Variants in SMC6 observed in about 807,000 individuals in gnomAD.
The protein encoded by SMC6 is structural maintenance of chromosomes protein 6.
A neutral mutation model predicts 142.2 loss-of-function variants in SMC6; 79 were observed. That is an observed-to-expected ratio of 0.56 (90% CI 0.46 to 0.67). The LOEUF is 0.67. SMC6 is among the 30% of genes least tolerant of loss of function. The pLI is 0.00. For synonymous variants in SMC6, 411 were observed against 412.4 expected (o/e 1.00, Z 0.04); for missense variants, 1,072 against 1,284.0 (o/e 0.83, Z 2.52).
chr2:17,695,406 A>G (rs1667941806), intron 22 of SMC6, 109 bp from the exon 23 acceptor site: 3 of 794,408 alleles, frequency 3.8e-6, no homozygotes, highest in Admixed American at 3.2e-5. Context: ...TTTTTAAGAA[A>G]TGTATTTTAA....
intron 25 of SMC6, among the ~76,000 whole-genome samples, chr2:17,671,580 G>T (rs1160888012): frequency 2.5e-5 from 3 of 120,880 alleles, no homozygotes. Flanking sequence ...TTGCACTCCA[G>T]CCTGGTCGAC....
chr2:17,677,224 G>A (rs1667031762), intron 25 of SMC6, among the ~76,000 whole-genome samples: 1 of 152,040 alleles, frequency 6.6e-6, no homozygotes, highest in African/African-American at 2.4e-5. Context: ...ACTAAAGAGG[G>A]GCCCCCTTTC....
At chr2:17,708,915 T>A (rs1668682828) in intron 16 of SMC6, among the ~76,000 whole-genome samples, 162 bp from the exon 17 acceptor site, 1 of 151,970 alleles carries the variant, frequency 6.6e-6, no homozygotes, top group African/African-American at 2.4e-5. Flanking sequence ...CTGGTAACAT[T>A]TGAAAACATA....
chr2:17,718,738 C>G (rs1253337916), intron 11 of SMC6, among the ~76,000 whole-genome samples: 2 of 152,120 alleles, frequency 1.3e-5, no homozygotes, highest in Non-Finnish European at 2.9e-5. Flanking sequence ...GGTATTAATA[C>G]TTTAGAAATT....
chr2:17,665,215 T>G lies in SMC6; in HGVS notation c.*284A>C, dbSNP rs1423360271. 4.8e-6 allele frequency: 1 copy of G among 209,338 alleles called. No homozygotes were observed. The highest frequency in any genetic ancestry group is 5.8e-5 in the Admixed American group (1 of 17,238). The allele number at this position is 209,338 out of a possible 1,614,324, so 13.0% of individuals were successfully genotyped here. On this transcript the variant is annotated 3_prime_UTR_variant, in exon 28 of 28. Coordinates refer to ENST00000448223, the MANE Select transcript of SMC6 (RefSeq NM_001142286.2). ...GTACATGTATATATGTACAAAATTT[T>G]ACTTCTGAAAAAGAACCTATAAAAA...
At position 17,715,154 on chromosome 2, in the gene SMC6, CTT is replaced by C. The variant is rs1483725824; in HGVS notation, c.1526-91_1526-90del. On this transcript the variant is annotated intron_variant, in intron 15 of 27. Coordinates refer to ENST00000448223, the MANE Select transcript of SMC6 (RefSeq NM_001142286.2). Reference sequence around the variant, plus strand: ...CTCTTTAATTATAGCATATAAATGACTTATATTTTTATATAAAGCAGTTTAAA... The same window carrying C: ...CTCTTTAATTATAGCATATAAATGACATATTTTTATATAAAGCAGTTTAAA... 98 of 1,229,138 alleles carry C rather than the reference CTT, an allele frequency of 8.0e-5. No homozygotes were observed. In the African/African-American group the frequency reaches 1.1e-3, roughly 14 times the overall value. 76.1% of individuals were successfully genotyped at this position (1,229,138 alleles called of 1,614,324 possible).
intron 23 of SMC6, among the ~76,000 whole-genome samples, chr2:17,685,993 C>T (rs1371961965): frequency 6.6e-6 from 1 of 151,686 alleles, no homozygotes; most frequent in East Asian, 1.9e-4. Flanking sequence ...AAAAATGATT[C>T]TTAAATATAT....
rs1369438996 is a variant in SMC6 at position 17,703,150 on chromosome 2, T to A, written c.2142+7A>T. ...CAAAAGAAGGTTTATTATTATTATT[T>A]TTTTACCTTTAGTTCTTTATAATGT... On this transcript the variant is annotated splice_region_variant and intron_variant, in intron 19 of 27. Transcript: ENST00000448223. 1.5e-6 allele frequency: 2 copies of A among 1,356,278 alleles called. No individual in the cohort carries two copies. The highest frequency in any genetic ancestry group is 2.0e-6 in the Non-Finnish European group (2 of 988,402). 84.0% of individuals were successfully genotyped at this position (1,356,278 alleles called of 1,614,324 possible).
chr2:17,718,223 C>T lies in SMC6; in HGVS notation c.946G>A (p.Val316Ile), dbSNP rs756153384. 6.3e-7 allele frequency: 1 copy of T among 1,575,382 alleles called. No homozygotes were observed. Among genetic ancestry groups the T allele is most frequent in the Non-Finnish European group, 8.6e-7 (1 of 1,164,170 alleles). Residue 316 changes from valine to isoleucine, a missense_variant and splice_region_variant, in exon 12 of 28, where the codon GTC becomes ATC. Physicochemically the swap from Val to Ile is conservative, Grantham distance 29. Coordinates refer to ENST00000448223, the MANE Select transcript of SMC6 (RefSeq NM_001142286.2). Reference sequence around the variant, plus strand: ...TTTTGTTCTGCCTCATTAAGTCTGACCTTTAAGAAAATAACATTATTGAAG... The same window carrying T: ...TTTTGTTCTGCCTCATTAAGTCTGATCTTTAAGAAAATAACATTATTGAAG... ...RLDRKMEEQQ[V>I]RLNEAEQKYK...
chr2:17,743,490 C>T lies in SMC6; in HGVS notation c.121-1761G>A, dbSNP rs376524839. Among the ~76,000 whole-genome samples, 32 of 152,134 alleles carry T rather than the reference C, an allele frequency of 2.1e-4. No individual in the cohort carries two copies. In the South Asian group the frequency reaches 6.2e-3, roughly 30 times the overall value. Reference sequence around the variant, plus strand: ...ATTGAGAGGAAGATACAAAAATATCCTATATACCCCCTACCCCCACACATG... The same window carrying T: ...ATTGAGAGGAAGATACAAAAATATCTTATATACCCCCTACCCCCACACATG... On this transcript the variant is annotated intron_variant, in intron 3 of 27. Transcript: ENST00000448223.
At chr2:17,688,911 G>T (rs2124881358) in intron 23 of SMC6, among the ~76,000 whole-genome samples, 1 of 152,260 alleles carries the variant, frequency 6.6e-6, no homozygotes, top group East Asian at 1.9e-4. Context: ...CAACAGAATT[G>T]AAAACTCCTC....
intron 9 of SMC6, among the ~76,000 whole-genome samples, chr2:17,723,706 T>C (rs1157776258): frequency 6.6e-6 from 1 of 152,214 alleles, no homozygotes; most frequent in African/African-American, 2.4e-5. Flanking sequence ...TTACCATCTA[T>C]GTTTTCTGCT....
intron 16 of SMC6, among the ~76,000 whole-genome samples, chr2:17,711,603 AC>A (rs1668827827): frequency 6.6e-6 from 1 of 152,156 alleles, no homozygotes; most frequent in South Asian, 2.1e-4. Flanking sequence ...TAGGAAAAAA[AC>A]ATGATTAAAA....
chr2:17,688,441 T>C (rs189711813), intron 23 of SMC6, among the ~76,000 whole-genome samples: 1 of 152,116 alleles, frequency 6.6e-6, no homozygotes, highest in African/African-American at 2.4e-5. Context: ...GGCTCATGCC[T>C]GTAATCCCAG....
At chr2:17,666,294 G>A (rs1666493417) in intron 27 of SMC6, 126 bp downstream of exon 27, 1 of 644,444 alleles carries the variant, frequency 1.6e-6, no homozygotes, top group Non-Finnish European at 2.6e-6. Context: ...TCCTGAACCA[G>A]TAGGGGAGCT....
At chr2:17,748,132 A>G (rs977666785) in intron 2 of SMC6, among the ~76,000 whole-genome samples, 2 of 152,192 alleles carry the variant, frequency 1.3e-5, no homozygotes, top group Non-Finnish European at 2.9e-5. Flanking sequence ...GAAACAGACC[A>G]CAAAAGGACT....
rs1292339214 is a variant in SMC6 at position 17,715,322 on chromosome 2, GAAAA to G, written c.1526-261_1526-258del. Among the ~76,000 whole-genome samples the G allele has an allele frequency of 3.2e-4, 48 of 151,874 alleles. 1 individual carries two copies. The South Asian group carries it at 9.8e-3, about 31-fold the overall frequency. On this transcript the variant is annotated intron_variant, in intron 15 of 27. Transcript: ENST00000448223. The stretch of plus-strand genomic sequence containing the variant: ...GGAGAGAAAATCCACCAAATCCTGT[GAAAA>G]AAATTGTCCCACTCTAATGTAAATC...
chr2:17,680,623 T>G (rs2124836715), intron 24 of SMC6: 1 of 152,332 alleles, frequency 6.6e-6, no homozygotes, highest in African/African-American at 2.4e-5. Context: ...AATCTCCTTG[T>G]ATATCATATC....
At chr2:17,733,628 A>T (rs537404665) in intron 5 of SMC6, among the ~76,000 whole-genome samples, 1 of 152,238 alleles carries the variant, frequency 6.6e-6, no homozygotes, top group Non-Finnish European at 1.5e-5. Flanking sequence ...TCAAATTAAG[A>T]CATGATGAAG....
Sources: gnomAD v4.1 joint callset for allele counts (sites outside exome capture counted in the v4.1 genomes callset) on GRCh38, gnomAD v4.1.1 for gene constraint, MANE v1.5 for transcripts, NCBI Gene and HGNC (gene_info 2026-07-23, HGNC 2026-07-21) for gene names.